The following PPP2R2C variants were observed in gnomAD, a reference collection of about 807,000 sequenced individuals.
The protein encoded by PPP2R2C is protein phosphatase 2 regulatory subunit Bgamma.
A neutral mutation model predicts 45.3 loss-of-function variants in PPP2R2C; 10 were observed. That is an observed-to-expected ratio of 0.22 (90% CI 0.14 to 0.37). The LOEUF is 0.37. Ranked by LOEUF, PPP2R2C falls within the 10% of genes least tolerant of loss-of-function variation. The probability of loss-of-function intolerance (pLI) is 1.00; values close to 1 mark genes in which losing one functional copy is unlikely to be tolerated. For synonymous variants in PPP2R2C, 257 were observed against 245.4 expected, an observed-to-expected ratio of 1.05 and a Z score of -0.44; for missense variants, 308 against 619.7, an observed-to-expected ratio of 0.50 and a Z score of 5.34.
chr4:6,561,636 G>T (rs1725581391), intron 1 of PPP2R2C, among the ~76,000 whole-genome samples: 1 of 151,580 alleles, frequency 6.6e-6, no homozygotes, highest in Non-Finnish European at 1.5e-5. Flanking sequence ...CACACACACA[G>T]ACACACCTAT....
intron 1 of PPP2R2C, among the ~76,000 whole-genome samples, chr4:6,543,666 G>A (rs1387793879): frequency 3.3e-5 from 5 of 152,154 alleles, no homozygotes; most frequent in East Asian, 1.9e-4. Context: ...ACATGGAGAC[G>A]GAGAAGCAGC....
At chr4:6,504,010 C>T (rs1006087104) in intron 2 of PPP2R2C, among the ~76,000 whole-genome samples, 1 of 152,218 alleles carries the variant, frequency 6.6e-6, no homozygotes, top group Non-Finnish European at 1.5e-5. Context: ...ATGTTTCATG[C>T]TTTGTGGCAG....
At position 6,329,754 on chromosome 4, in the gene PPP2R2C, C is replaced by A. The variant is rs921815087; in HGVS notation, c.961-401G>T. On this transcript the variant is annotated intron_variant, in intron 7 of 8. Transcript: ENST00000382599. The surrounding 1 kb of genome is among the most constrained non-coding windows in gnomAD (Gnocchi z 5.8). ...CGGGAGTAGCACCAGGGAGCAGAGT[C>A]CACTGTGACAAACAGAACGCTCACA... Among the ~76,000 whole-genome samples the A allele has an allele frequency of 6.6e-6, 1 of 152,164 alleles. No individual in the cohort carries two copies. Among genetic ancestry groups the A allele is most frequent in the Non-Finnish European group, 1.5e-5 (1 of 68,036 alleles).
chr4:6,419,446 AAGAAAAGAAG>A (rs1180171524), intron 1 of PPP2R2C, among the ~76,000 whole-genome samples: 7 of 152,218 alleles, frequency 4.6e-5, no homozygotes, highest in African/African-American at 1.7e-4. Flanking sequence ...AAGAAAAGAA[AAGAAAAGAAG>A]AGAAAAGAAA....
At chr4:6,382,330 C>T in intron 1 of PPP2R2C, 1 of 1,296,000 alleles carries the variant, frequency 7.7e-7, no homozygotes, top group Non-Finnish European at 1.0e-6. Context: ...CCACCTTTAG[C>T]AAAATGGATC....
chr4:6,327,585 C>A (rs548169399), intron 8 of PPP2R2C, among the ~76,000 whole-genome samples: 3 of 152,306 alleles, frequency 2.0e-5, no homozygotes, highest in East Asian at 3.9e-4. Context: ...TTTGGATAGA[C>A]CCTCTTGGGA....
intron 5 of PPP2R2C, among the ~76,000 whole-genome samples, chr4:6,358,519 C>CAA (rs74576376): frequency 0.023 from 3,040 of 132,692 alleles, 50 homozygotes; most frequent in South Asian, 0.046. Flanking sequence ...TTCTGCACAG[C>CAA]AAAAAAAAAA....
chr4:6,372,394 T>C, intron 5 of PPP2R2C, 129 bp downstream of exon 5: 1 of 941,046 alleles, frequency 1.1e-6, no homozygotes. Context: ...GAGCCAGAGG[T>C]GCCTCACTGA....
At chr4:6,334,454 C>G (rs565901547) in intron 6 of PPP2R2C, among the ~76,000 whole-genome samples, 1 of 152,310 alleles carries the variant, frequency 6.6e-6, no homozygotes, top group Non-Finnish European at 1.5e-5. Context: ...GCAATGAGGA[C>G]TCCCCAGACA....
At chr4:6,495,484 G>A (rs114609244) in intron 2 of PPP2R2C, among the ~76,000 whole-genome samples, 5,244 of 152,310 alleles carry the variant, frequency 0.034, 156 homozygotes, top group African/African-American at 0.079. Flanking sequence ...CACCTGGGAT[G>A]AGCCATGTCC....
chr4:6,334,244 G>A (rs1266407465), intron 6 of PPP2R2C, among the ~76,000 whole-genome samples: 1 of 152,124 alleles, frequency 6.6e-6, no homozygotes, highest in Non-Finnish European at 1.5e-5. Context: ...CTACTTATAG[G>A]TGGGTTTTGT....
chr4:6,508,173 C>T (rs1422514406), intron 2 of PPP2R2C, among the ~76,000 whole-genome samples: 1 of 152,136 alleles, frequency 6.6e-6, no homozygotes, highest in East Asian at 1.9e-4. Context: ...GGAGAGCCTG[C>T]CCCAAATGAG....
chr4:6,395,655 A>G (rs945822812), intron 1 of PPP2R2C, among the ~76,000 whole-genome samples: 1 of 152,138 alleles, frequency 6.6e-6, no homozygotes, highest in East Asian at 1.9e-4. Flanking sequence ...TGGTATGCCA[A>G]GGGCGCAGAC....
At chr4:6,456,685 G>T (rs997147657) in intron 1 of PPP2R2C, among the ~76,000 whole-genome samples, 1 of 152,186 alleles carries the variant, frequency 6.6e-6, no homozygotes, top group Admixed American at 6.5e-5. Flanking sequence ...AGCTCTGGGT[G>T]CCCCTCACGG....
chr4:6,383,954 G>T (rs1716041842), intron 1 of PPP2R2C: 1 of 986,262 alleles, frequency 1.0e-6, no homozygotes, highest in Non-Finnish European at 1.2e-6. Flanking sequence ...AGAGAGGGTG[G>T]TTAGAAGTGG....
At chr4:6,361,893 G>C (rs1015655448) in intron 5 of PPP2R2C, among the ~76,000 whole-genome samples, 7 of 152,232 alleles carry the variant, frequency 4.6e-5, no homozygotes, top group African/African-American at 1.7e-4. Context: ...TGGCCTAAGA[G>C]AGACACAGGT....
intron 6 of PPP2R2C, among the ~76,000 whole-genome samples, chr4:6,341,743 G>A (rs1205246912): frequency 3.9e-5 from 6 of 152,142 alleles, no homozygotes; most frequent in Non-Finnish European, 7.4e-5. Context: ...AAAGAGATGG[G>A]ATGATGGAAG....
At position 6,345,992 on chromosome 4, in the gene PPP2R2C, C is replaced by A. The variant is rs1044576013; in HGVS notation, c.790+1854G>T. Among the ~76,000 whole-genome samples the A allele has an allele frequency of 6.6e-6, 1 of 152,160 alleles. No individual in the cohort carries two copies. On this transcript the variant is annotated intron_variant, in intron 6 of 8. Transcript: ENST00000382599. This position sits in a 1 kb window ranked among gnomAD's most constrained non-coding sequence, Gnocchi z 5.3. ...GAAACCTGCCTGCTGGTCCCTGGCA[C>A]CCCCTGTTGTTCCAGGCCACGGCCC... is the stretch of plus-strand genomic sequence containing the variant.
rs544174012 is a variant in PPP2R2C at position 6,350,141 on chromosome 4, A to C, written c.626-2131T>G. On this transcript the variant is annotated intron_variant, in intron 5 of 8. Coordinates refer to ENST00000382599, the MANE Select transcript of PPP2R2C (RefSeq NM_020416.4). Reference sequence around the variant, plus strand: ...TCCCAGGAAACTACAGTTTTCCAGTATGAAAAGAAGCAGCGATTAAATAAT... The same window carrying C: ...TCCCAGGAAACTACAGTTTTCCAGTCTGAAAAGAAGCAGCGATTAAATAAT... The C allele has an allele frequency of 1.1e-5, 11 of 985,466 alleles. No individual in the cohort carries two copies. The African/African-American group carries it at 1.7e-4, about 16-fold the overall frequency. The allele number at this position is 985,466 out of a possible 1,614,324, so 61.0% of individuals were successfully genotyped here.
Sources: gnomAD v4.1 joint callset for allele counts (sites outside exome capture counted in the v4.1 genomes callset) on GRCh38, gnomAD v4.1.1 for gene constraint, Gnocchi (gnomAD v3.1) non-coding constraint, MANE v1.5 for transcripts, NCBI Gene and HGNC (gene_info 2026-07-23, HGNC 2026-07-21) for gene names.